The following PIP5K1B variants were observed in gnomAD, a reference collection of about 807,000 sequenced individuals.
PIP5K1B encodes the protein phosphatidylinositol 4-phosphate 5-kinase type-1 beta.
Under a neutral mutation model 67.0 loss-of-function variants are expected in PIP5K1B, and 42 were observed. The observed-to-expected ratio is 0.63, with a 90% CI of 0.49 to 0.81. PIP5K1B has a LOEUF of 0.81. Ranked by LOEUF, PIP5K1B falls within the 30% of genes least tolerant of loss-of-function variation. The pLI is 0.00. For missense variants in PIP5K1B, 459 were observed against 646.3 expected (o/e 0.71, Z 3.14); for synonymous variants, 214 against 231.4 (o/e 0.92, Z 0.68).
intron 4 of PIP5K1B, among the ~76,000 whole-genome samples, chr9:68,834,702 A>G (rs925716868): frequency 1.3e-5 from 2 of 152,206 alleles, no homozygotes; most frequent in Non-Finnish European, 2.9e-5. Context: ...GAAGAGGGAT[A>G]GAATTTGTAC....
At chr9:68,762,744 CATTTCACATTT>C (rs1830240396) in intron 2 of PIP5K1B, among the ~76,000 whole-genome samples, 2 of 152,048 alleles carry the variant, frequency 1.3e-5, no homozygotes, top group Admixed American at 6.6e-5. Flanking sequence ...GGTTAAGTTC[CATTTCACATTT>C]ATTGTGATCT....
At chr9:68,773,012 G>C (rs1830739327) in intron 2 of PIP5K1B, among the ~76,000 whole-genome samples, 1 of 152,166 alleles carries the variant, frequency 6.6e-6, no homozygotes, top group African/African-American at 2.4e-5. Flanking sequence ...AGTCTAGAGA[G>C]GTTGACAGAC....
chr9:68,815,875 T>G (rs1019271763), intron 2 of PIP5K1B, among the ~76,000 whole-genome samples: 1 of 152,110 alleles, frequency 6.6e-6, no homozygotes, highest in Non-Finnish European at 1.5e-5. Context: ...TATTTCACTT[T>G]ATTTAAAAGA....
intron 6 of PIP5K1B, among the ~76,000 whole-genome samples, chr9:68,879,951 A>C (rs1824097029): frequency 6.6e-6 from 1 of 152,242 alleles, no homozygotes. Flanking sequence ...TGTATACCAT[A>C]AAAGTATACA....
chr9:68,956,797 G>A (rs1427612935), intron 14 of PIP5K1B, among the ~76,000 whole-genome samples: 2 of 152,200 alleles, frequency 1.3e-5, no homozygotes, highest in African/African-American at 4.8e-5. Flanking sequence ...GAGGCCCATT[G>A]ATGAGCCACA....
intron 14 of PIP5K1B, chr9:68,966,446 T>C (rs1266994120): frequency 2.6e-5 from 4 of 152,244 alleles, no homozygotes; most frequent in Non-Finnish European, 4.4e-5. Context: ...TGACTTAATA[T>C]GGTACTTGAC....
chr9:68,932,247 A>G (rs906155884), intron 12 of PIP5K1B, among the ~76,000 whole-genome samples: 1 of 152,190 alleles, frequency 6.6e-6, no homozygotes, highest in Non-Finnish European at 1.5e-5. Flanking sequence ...GTTTAGAGAA[A>G]TAACATTGAC....
At chr9:68,932,258 C>T (rs1827041417) in intron 12 of PIP5K1B, among the ~76,000 whole-genome samples, 2 of 152,102 alleles carry the variant, frequency 1.3e-5, no homozygotes, top group Admixed American at 6.6e-5. Flanking sequence ...TAACATTGAC[C>T]TAAGAACTAT....
chr9:68,952,693 G>A (rs1321768844), intron 14 of PIP5K1B, among the ~76,000 whole-genome samples: 2 of 151,724 alleles, frequency 1.3e-5, no homozygotes, highest in Non-Finnish European at 2.9e-5. Flanking sequence ...TCAACATGGT[G>A]AAGGCTTGGC....
At chr9:68,870,965 A>C (rs955489845) in intron 5 of PIP5K1B, among the ~76,000 whole-genome samples, 8 of 152,214 alleles carry the variant, frequency 5.3e-5, no homozygotes, top group Admixed American at 2.0e-4. Flanking sequence ...CTCAGCTCCA[A>C]AACTGGTCCC....
At chr9:68,995,936 T>A (rs1208353255) in intron 15 of PIP5K1B, among the ~76,000 whole-genome samples, 1 of 152,270 alleles carries the variant, frequency 6.6e-6, no homozygotes, top group African/African-American at 2.4e-5. Flanking sequence ...GCCATCTTTA[T>A]CTGAAGGGCA....
intron 15 of PIP5K1B, 71 bp downstream of exon 15, chr9:68,991,328 G>A: frequency 1.2e-6 from 1 of 823,060 alleles, no homozygotes. Flanking sequence ...GCTTACACAA[G>A]AACAAGTTCA....
intron 2 of PIP5K1B, among the ~76,000 whole-genome samples, chr9:68,793,082 T>TGTGTATGTGTATACACATAGA (rs1832075360): frequency 6.9e-6 from 1 of 144,040 alleles, no homozygotes; most frequent in Non-Finnish European, 1.5e-5. Context: ...AGTGTGTATG[T>TGTGTATGTGTATACACATAGA]GTGTATGTGT....
intron 2 of PIP5K1B, among the ~76,000 whole-genome samples, chr9:68,771,384 C>G (rs1830663555): frequency 6.6e-6 from 1 of 152,150 alleles, no homozygotes; most frequent in South Asian, 2.1e-4. Flanking sequence ...TACACCTCAA[C>G]TCTACCAACA....
chr9:68,767,366 G>A (rs559952382), intron 2 of PIP5K1B, among the ~76,000 whole-genome samples: 68 of 152,260 alleles, frequency 4.5e-4, no homozygotes, highest in African/African-American at 1.5e-3. Flanking sequence ...GGCCGAGGCG[G>A]GTGGATCACT....
chr9:68,919,755 A>G (rs930546820), intron 11 of PIP5K1B, 26 bp downstream of exon 11: 5 of 1,342,854 alleles, frequency 3.7e-6, no homozygotes, highest in African/African-American at 1.4e-5. Flanking sequence ...TCCTTATTAT[A>G]CTGTATATAT....
chr9:68,843,650 G>A (rs1258004437), intron 4 of PIP5K1B, among the ~76,000 whole-genome samples: 4 of 152,206 alleles, frequency 2.6e-5, no homozygotes, highest in Non-Finnish European at 4.4e-5. Context: ...GTTGGTGGTG[G>A]TAAATGGAGG....
Position 69,008,655 on chromosome 9 carries a change from T to C in PIP5K1B, c.*206T>C. 2 of 587,650 alleles carry C rather than the reference T, an allele frequency of 3.4e-6. No individual in the cohort carries two copies. Among genetic ancestry groups the C allele is most frequent in the African/African-American group, 1.8e-5 (1 of 54,504 alleles). 36.4% of individuals were successfully genotyped at this position (587,650 alleles called of 1,614,324 possible). The stretch of plus-strand genomic sequence containing the variant: ...TGAAAAATACTACCCTATTCTATCA[T>C]TTGCTGTTGCTTGCTGAACTGTGAA... On this transcript the variant is annotated 3_prime_UTR_variant, in exon 16 of 16. Coordinates refer to ENST00000265382, the MANE Select transcript of PIP5K1B (RefSeq NM_003558.4).
intron 2 of PIP5K1B, among the ~76,000 whole-genome samples, chr9:68,803,562 CA>C (rs1832715875): frequency 6.6e-6 from 1 of 152,198 alleles, no homozygotes; most frequent in Non-Finnish European, 1.5e-5. Context: ...TGCTGTCTCC[CA>C]AGTTCATCAT....
Sources: allele counts gnomAD v4.1 joint callset (sites outside exome capture counted in the v4.1 genomes callset), GRCh38; gene constraint gnomAD v4.1.1; transcripts MANE v1.5; gene names NCBI Gene and HGNC (gene_info 2026-07-23, HGNC 2026-07-21).